Variants in KIF22 observed in about 807,000 individuals in gnomAD.
The protein encoded by KIF22 is kinesin-like protein KIF22.
In KIF22, 62 loss-of-function variants were observed where a neutral mutation model predicts 73.0. The ratio of observed to expected loss-of-function variants is 0.85; its 90% CI spans 0.69 to 1.05. KIF22 has a LOEUF of 1.05. Among genes scored for constraint, KIF22 ranks in the 50% least tolerant of loss-of-function variants. The pLI is 0.00. For synonymous variants in KIF22, 411 were observed against 340.1 expected, an observed-to-expected ratio of 1.21 and a Z score of -2.29; for missense variants, 854 against 870.1, an observed-to-expected ratio of 0.98 and a Z score of 0.23.
At chr16:29,804,208 T>A in intron 11 of KIF22, 143 bp downstream of exon 11, 2 of 699,512 alleles carry the variant, frequency 2.9e-6, no homozygotes, top group Non-Finnish European at 5.2e-6. Context: ...TGCTTACCCC[T>A]GGAATGTGGT....
At chr16:29,793,163 G>A (rs1319304474) in intron 1 of KIF22, among the ~76,000 whole-genome samples, 1 of 152,124 alleles carries the variant, frequency 6.6e-6, no homozygotes, top group Non-Finnish European at 1.5e-5. Flanking sequence ...TTTAAGAGGA[G>A]CCGTCGGCTG....
At chr16:29,796,088 T>C (rs752868616) in intron 1 of KIF22, among the ~76,000 whole-genome samples, 41 of 151,914 alleles carry the variant, frequency 2.7e-4, no homozygotes, top group Non-Finnish European at 5.1e-4. Context: ...CTGGCCAACA[T>C]GGTGAAACCC....
At chr16:29,805,049 G>A (rs1475972927) in intron 12 of KIF22, 23 bp downstream of exon 12, 2 of 1,609,380 alleles carry the variant, frequency 1.2e-6, no homozygotes, top group Non-Finnish European at 1.7e-6. Flanking sequence ...TGGACTGGGG[G>A]AGGGCGGGGG....
intron 1 of KIF22, among the ~76,000 whole-genome samples, chr16:29,793,689 T>A (rs1898879372): frequency 2.0e-5 from 3 of 151,972 alleles, no homozygotes; most frequent in Admixed American, 1.3e-4. Context: ...TGGCATCTAG[T>A]AAGCATATGC....
At position 29,798,192 on chromosome 16, in the gene KIF22, T is replaced by C; in HGVS notation, c.267-182T>C. On this transcript the variant is annotated intron_variant, in intron 2 of 13. Coordinates refer to ENST00000160827, the MANE Select transcript of KIF22 (RefSeq NM_007317.3). The surrounding 1 kb of genome is among the most constrained non-coding windows in gnomAD (Gnocchi z 4.1). ...CACCAATAGAGAGATGAGGATGGAGTAGGTGTTAGGTGGATGCTTTTTAAG... is the reference window on the plus strand; with the variant it reads ...CACCAATAGAGAGATGAGGATGGAGCAGGTGTTAGGTGGATGCTTTTTAAG... 6.6e-6 allele frequency among the ~76,000 whole-genome samples: 1 copy of C among 151,842 alleles called. No individual in the cohort carries two copies. The highest frequency in any genetic ancestry group is 2.4e-5 in the African/African-American group (1 of 41,280).
intron 1 of KIF22, chr16:29,791,341 G>GT (rs1184615762): frequency 4.8e-6 from 3 of 625,932 alleles, no homozygotes; most frequent in African/African-American, 4.0e-5. Flanking sequence ...AGTTGGCAGC[G>GT]TAAGATGCTC....
intron 1 of KIF22, among the ~76,000 whole-genome samples, chr16:29,792,890 T>C (rs1029460653): frequency 6.6e-6 from 1 of 152,130 alleles, no homozygotes; most frequent in Admixed American, 6.5e-5. Context: ...GGGAGACACC[T>C]TGCTACCACC....
Position 29,799,718 on chromosome 16 carries a change from T to C in KIF22, c.1081T>C (p.Phe361Leu). The change falls in exon 7 of 14, where the codon TTT becomes CTT. Residue 361 changes from phenylalanine to leucine, a missense_variant. Phe to Leu is a conservative substitution (Grantham distance 22). This residue lies in a region of KIF22 where 245 missense variants were observed against 351.8 expected (regional missense o/e 0.70). Coordinates refer to ENST00000160827, the MANE Select transcript of KIF22 (RefSeq NM_007317.3). Reference sequence around the variant, plus strand: ...CCTAGACACAGTCTCCGCACTCAACTTTGCTGCCAGGTCCAAGGAGGTGAT... The same window carrying C: ...CCTAGACACAGTCTCCGCACTCAACCTTGCTGCCAGGTCCAAGGAGGTGAT... ...FYLDTVSALN[F>L]AARSKEVINR... The C allele has an allele frequency of 6.2e-7, 1 of 1,613,532 alleles. No individual in the cohort carries two copies. The highest frequency in any genetic ancestry group is 8.5e-7 in the Non-Finnish European group (1 of 1,179,750).
chr16:29,805,195 C>T (rs748912860), intron 13 of KIF22, 21 bp downstream of exon 13: 3 of 1,614,058 alleles, frequency 1.9e-6, no homozygotes, highest in African/African-American at 2.7e-5. Context: ...GGCCCTGCCC[C>T]TCCTCTGCCT....
chr16:29,802,834 T>TGCTTGCCTCC lies in KIF22; in HGVS notation c.1347_1356dup (p.Gln453AlafsTer34). 6.2e-7 allele frequency: 1 copy of TGCTTGCCTCC among 1,611,798 alleles called. No homozygotes were observed. Among genetic ancestry groups the TGCTTGCCTCC allele is most frequent in the Non-Finnish European group, 8.5e-7 (1 of 1,179,196 alleles). On this transcript the variant is annotated frameshift_variant, in exon 9 of 14. Transcript: ENST00000160827. LOFTEE classifies it high-confidence loss of function. ...GAGCGCCTCCTCAGCTTGGACCGTC[T>TGCTTGCCTCC]GCTTGCCTCCCAGGGGAGCCAGGGG...
chr16:29,805,053 G>C, intron 12 of KIF22, 27 bp downstream of exon 12: 1 of 1,610,760 alleles, frequency 6.2e-7, no homozygotes, highest in Non-Finnish European at 8.5e-7. Flanking sequence ...CTGGGGGAGG[G>C]CGGGGGCGGG....
chr16:29,803,825 AGACT>A (rs1299044937), intron 10 of KIF22, among the ~76,000 whole-genome samples, 169 bp from the exon 11 acceptor site: 2 of 152,220 alleles, frequency 1.3e-5, no homozygotes, highest in African/African-American at 2.4e-5. Flanking sequence ...AGATAATGCA[AGACT>A]GACTGAAATT....
chr16:29,794,184 C>T (rs915124379), intron 1 of KIF22, among the ~76,000 whole-genome samples: 3 of 152,166 alleles, frequency 2.0e-5, no homozygotes, highest in Non-Finnish European at 4.4e-5. Flanking sequence ...ATATAAAGCA[C>T]TTTGGAGTTA....
intron 1 of KIF22, chr16:29,791,542 A>C (rs1377850092): frequency 6.6e-6 from 1 of 152,266 alleles, no homozygotes; most frequent in East Asian, 1.9e-4. Context: ...ATAGTAATTC[A>C]CTGGAGCCCT....
intron 11 of KIF22, 36 bp from the exon 12 acceptor site, chr16:29,804,778 T>C: frequency 2.6e-6 from 4 of 1,534,104 alleles, no homozygotes; most frequent in Non-Finnish European, 3.5e-6. Flanking sequence ...AGCACTTGGC[T>C]GCCCTGCGTG....
chr16:29,805,052 G>A (rs2142383233), intron 12 of KIF22, 26 bp downstream of exon 12: 1 of 1,610,906 alleles, frequency 6.2e-7, no homozygotes, highest in Non-Finnish European at 8.5e-7. Context: ...ACTGGGGGAG[G>A]GCGGGGGCGG....
rs1323969233 is a variant in KIF22 at position 29,804,993 on chromosome 16, G to A, written c.1857G>A (p.Val619=). ...RIGPKKAQLI[V]GWRELHGPFS... ...GCCCGAAGAAGGCCCAGCTAATCGT[G>A]GGCTGGCGGGAGCTCCACGGCCCCT... Residue 619 remains valine (V), a synonymous_variant, in exon 12 of 14, where the codon GTG becomes GTA. Coordinates refer to ENST00000160827, the MANE Select transcript of KIF22 (RefSeq NM_007317.3). The A allele has an allele frequency of 4.3e-6, 7 of 1,610,688 alleles. No individual in the cohort carries two copies. Among genetic ancestry groups the A allele is most frequent in the Non-Finnish European group, 5.9e-6 (7 of 1,178,494 alleles).
intron 1 of KIF22, chr16:29,792,338 G>A: frequency 1.4e-6 from 1 of 695,848 alleles, no homozygotes; most frequent in South Asian, 6.4e-5. Context: ...TTTACATGTG[G>A]CCCTCCCCTC....
chr16:29,804,770 C>T, intron 11 of KIF22, 44 bp from the exon 12 acceptor site: 1 of 1,492,994 alleles, frequency 6.7e-7, no homozygotes, highest in Non-Finnish European at 9.1e-7. Context: ...GAGCCCAAAG[C>T]ACTTGGCTGC....
Sources: gnomAD v4.1 joint callset for allele counts (sites outside exome capture counted in the v4.1 genomes callset) on GRCh38, gnomAD v4.1.1 for gene constraint, gnomAD v4.1.1 regional missense constraint, Gnocchi (gnomAD v3.1) non-coding constraint, MANE v1.5 for transcripts, NCBI Gene and HGNC (gene_info 2026-07-23, HGNC 2026-07-21) for gene names.